Variants in GOSR2 observed in about 807,000 individuals in gnomAD.
The protein encoded by GOSR2 is golgi SNAP receptor complex member 2, also known as 27 kDa Golgi SNARE protein.
GOSR2 carries 20 observed loss-of-function variants against 27.9 expected under a neutral mutation model. That is an observed-to-expected ratio of 0.72 (90% CI 0.50 to 1.04). GOSR2 has a LOEUF of 1.04. Among genes scored for constraint, GOSR2 ranks in the 50% least tolerant of loss-of-function variants. The pLI is 0.00. For synonymous variants in GOSR2, 91 were observed against 98.8 expected, an observed-to-expected ratio of 0.92 and a Z score of 0.47; for missense variants, 261 against 270.5, an observed-to-expected ratio of 0.97 and a Z score of 0.25.
intron 4 of GOSR2, 139 bp from the exon 5 acceptor site, chr17:46,934,890 C>G: frequency 2.6e-6 from 2 of 755,646 alleles, no homozygotes; most frequent in Non-Finnish European, 4.6e-6. Context: ...TTTGCTTTTT[C>G]TTATCCATTA....
rs537502331 is a variant in GOSR2, at chr17:46,942,002, T to A, written c.*3242T>A. 5 of 968,140 alleles carry A rather than the reference T, an allele frequency of 5.2e-6. No homozygotes were observed. In the African/African-American group the frequency reaches 8.8e-5, roughly 17 times the overall value. The allele number at this position is 968,140 out of a possible 1,614,324, so 60.0% of individuals were successfully genotyped here. On this transcript the variant is annotated 3_prime_UTR_variant, in exon 6 of 6. Transcript: ENST00000640051. ...AAAACTTGTTAAGTCCAAAATAAATTCTTACTGTTTATATCCTACCTTAGT... is the reference window on the plus strand; with the variant it reads ...AAAACTTGTTAAGTCCAAAATAAATACTTACTGTTTATATCCTACCTTAGT...
intron 6 of GOSR2, among the ~76,000 whole-genome samples, chr17:46,959,441 G>A (rs957549327): frequency 1.3e-5 from 2 of 152,100 alleles, no homozygotes; most frequent in Non-Finnish European, 2.9e-5. Flanking sequence ...GCCTTAAATC[G>A]CTTGAGAAAG....
At chr17:46,933,959 G>A (rs1352034995) in intron 4 of GOSR2, among the ~76,000 whole-genome samples, 1 of 147,714 alleles carries the variant, frequency 6.8e-6, no homozygotes, top group Non-Finnish European at 1.5e-5. Flanking sequence ...AAAAAAACAC[G>A]AAACAAACCC....
chr17:46,970,151 G>A (rs1363055488), downstream of GOSR2, among the ~76,000 whole-genome samples: 2 of 152,172 alleles, frequency 1.3e-5, no homozygotes, highest in South Asian at 2.1e-4. Flanking sequence ...ATCAGTAAAT[G>A]TGGTTCCATC....
At chr17:46,951,021 A>G (rs528934960) in intron 6 of GOSR2, among the ~76,000 whole-genome samples, 1 of 152,258 alleles carries the variant, frequency 6.6e-6, no homozygotes, top group South Asian at 2.1e-4. Context: ...CCTCGCCCCA[A>G]CTACACGCCC....
At chr17:46,932,240 G>T in intron 4 of GOSR2, 41 bp downstream of exon 4, 1 of 1,611,972 alleles carries the variant, frequency 6.2e-7, no homozygotes, top group Non-Finnish European at 8.5e-7. Context: ...GCACTTGACA[G>T]ATCGTGGGGG....
At chr17:46,936,381 A>C in intron 5 of GOSR2, 2 of 985,404 alleles carry the variant, frequency 2.0e-6, no homozygotes, top group Non-Finnish European at 2.4e-6. Context: ...GCGCTGGGGC[A>C]TCAGCACACC....
intron 2 of GOSR2, 127 bp from the exon 3 acceptor site, chr17:46,930,972 A>G: frequency 1.5e-6 from 1 of 687,032 alleles, no homozygotes; most frequent in Non-Finnish European, 2.6e-6. Flanking sequence ...TAGTGTATAC[A>G]TTTTTCTCCT....
chr17:46,923,314 T>C, intron 1 of GOSR2, 93 bp downstream of exon 1: 1 of 1,542,942 alleles, frequency 6.5e-7, no homozygotes, highest in East Asian at 2.4e-5. Flanking sequence ...TCAGCCAGGG[T>C]AGAGGCCGAG....
intron 6 of GOSR2, among the ~76,000 whole-genome samples, chr17:46,965,930 T>G (rs2091299008): frequency 6.6e-6 from 1 of 152,100 alleles, no homozygotes; most frequent in African/African-American, 2.4e-5. Flanking sequence ...TGTGCCTGGC[T>G]GCTATGACTT....
chr17:46,956,277 C>CT lies in GOSR2; in HGVS notation c.584-10227dup, dbSNP rs869045527. ...AGGCCAGGATTCTGCCTTGCCAGTC[C>CT]TTTTTTTTTTTTTTTTTTTTTTTTT... On this transcript the variant is annotated intron_variant, in intron 6 of 6. Transcript: ENST00000573224. 2.3e-3 allele frequency among the ~76,000 whole-genome samples: 145 copies of CT among 62,654 alleles called. 7 individuals are homozygous for CT. The highest frequency in any genetic ancestry group is 7.9e-3 in the African/African-American group (130 of 16,384). 41.1% of individuals were successfully genotyped at this position (62,654 alleles called of 152,430 possible).
chr17:46,945,123 A>G (rs2089729726), downstream of GOSR2, among the ~76,000 whole-genome samples: 1 of 152,142 alleles, frequency 6.6e-6, no homozygotes, highest in South Asian at 2.1e-4. Context: ...GGGTGTGTGA[A>G]GGACAGGAGA....
intron 6 of GOSR2, among the ~76,000 whole-genome samples, chr17:46,962,283 T>A (rs1257538494): frequency 6.6e-6 from 1 of 150,910 alleles, no homozygotes. Flanking sequence ...GAGCCGAGAT[T>A]GCGCCACTGC....
chr17:46,932,595 G>A (rs866352935), intron 4 of GOSR2: 7 of 428,134 alleles, frequency 1.6e-5, no homozygotes, highest in South Asian at 7.2e-5. Flanking sequence ...CCATTGTGCC[G>A]AGTATGTGTG....
At chr17:46,943,940 G>A (rs575385495), downstream of GOSR2, among the ~76,000 whole-genome samples, 1 of 152,244 alleles carries the variant, frequency 6.6e-6, no homozygotes, top group Non-Finnish European at 1.5e-5. Context: ...CTAAAGGCTA[G>A]GACAGGCGTG....
intron 6 of GOSR2, chr17:46,949,025 T>C (rs1031266933): frequency 6.6e-6 from 1 of 152,242 alleles, no homozygotes; most frequent in Non-Finnish European, 1.5e-5. Context: ...TGTGATCCAC[T>C]GCTGTGTAAC....
Position 46,941,862 on chromosome 17 carries a change from A to G in GOSR2, c.*3102A>G. On this transcript the variant is annotated 3_prime_UTR_variant, in exon 6 of 6. Transcript: ENST00000640051. ...CGGCCTCCCAAAGTTCTAGGGTTAC[A>G]GGTGTTAGCCACTGTACCTGGCCTC... 1 of 899,488 alleles carries G rather than the reference A, an allele frequency of 1.1e-6. No homozygotes were observed. The highest frequency in any genetic ancestry group is 1.3e-6 in the Non-Finnish European group (1 of 751,612). 55.7% of individuals were successfully genotyped at this position (899,488 alleles called of 1,614,324 possible).
At chr17:46,960,634 T>G (rs1218721553) in intron 6 of GOSR2, among the ~76,000 whole-genome samples, 1 of 152,182 alleles carries the variant, frequency 6.6e-6, no homozygotes, top group East Asian at 1.9e-4. Flanking sequence ...AAAATTTAAA[T>G]TTAAAAACCT....
At chr17:46,936,317 G>A in intron 5 of GOSR2, 1 of 985,324 alleles carries the variant, frequency 1.0e-6, no homozygotes, top group Non-Finnish European at 1.2e-6. Flanking sequence ...AAGAGCCAGT[G>A]GGGGTTAGAG....
Sources: gnomAD v4.1 joint callset for allele counts (sites outside exome capture counted in the v4.1 genomes callset) on GRCh38, gnomAD v4.1.1 for gene constraint, MANE v1.5 for transcripts, NCBI Gene and HGNC (gene_info 2026-07-23, HGNC 2026-07-21) for gene names.